The following SORCS2 variants were observed in gnomAD, a reference collection of about 807,000 sequenced individuals.
SORCS2 encodes sortilin related VPS10 domain containing receptor 2.
A neutral mutation model predicts 141.6 loss-of-function variants in SORCS2; 100 were observed. The ratio of observed to expected loss-of-function variants is 0.71; its 90% CI spans 0.60 to 0.83. The LOEUF (loss-of-function observed/expected upper bound fraction) is 0.83. Ranked by LOEUF, SORCS2 falls within the 40% of genes least tolerant of loss-of-function variation. SORCS2 has a pLI of 0.00. For synonymous variants in SORCS2, 789 were observed against 676.9 expected, an observed-to-expected ratio of 1.17 and a Z score of -2.57; for missense variants, 1,646 against 1,560.2, an observed-to-expected ratio of 1.05 and a Z score of -0.93.
chr4:7,695,016 A>G (rs1724508656), intron 11 of SORCS2, among the ~76,000 whole-genome samples: 1 of 151,862 alleles, frequency 6.6e-6, no homozygotes, highest in Admixed American at 6.6e-5. Flanking sequence ...CTTGTCTGCT[A>G]GATTCAGAGC....
At chr4:7,702,256 G>A (rs554795058) in intron 12 of SORCS2, among the ~76,000 whole-genome samples, 27 of 152,314 alleles carry the variant, frequency 1.8e-4, no homozygotes, top group Admixed American at 1.4e-3. Context: ...GAGGGCAAAG[G>A]GGGCCACTTT....
intron 1 of SORCS2, among the ~76,000 whole-genome samples, chr4:7,366,542 C>T (rs2109033861): frequency 6.6e-6 from 1 of 151,110 alleles, no homozygotes; most frequent in South Asian, 2.1e-4. Context: ...CCTCCAGCCT[C>T]ACCCCCTCCT....
rs551118056 is a variant in SORCS2 at position 7,226,559 on chromosome 4, T to C, written c.480+33433T>C. On this transcript the variant is annotated intron_variant, in intron 1 of 26. Coordinates refer to ENST00000507866, the MANE Select transcript of SORCS2 (RefSeq NM_020777.3). ...CAGGCGGCGGGCAGAGGGGCTGTTT[T>C]TTCCAGGCACACTAACACACGCCAT... Among the ~76,000 whole-genome samples, 4 of 152,208 alleles carry C rather than the reference T, an allele frequency of 2.6e-5. No individual in the cohort carries two copies. In the South Asian group the frequency reaches 8.3e-4, roughly 32 times the overall value.
At chr4:7,717,381 C>T (rs1726263150) in intron 17 of SORCS2, among the ~76,000 whole-genome samples, 2 of 152,246 alleles carry the variant, frequency 1.3e-5, no homozygotes, top group Admixed American at 1.3e-4. Context: ...CCGCCTCTGC[C>T]TCTCCACTAG....
chr4:7,651,228 A>G (rs958230484), intron 4 of SORCS2, among the ~76,000 whole-genome samples: 4 of 152,098 alleles, frequency 2.6e-5, no homozygotes, highest in African/African-American at 7.2e-5. Context: ...CGTGTTGTGG[A>G]TAGGCTGCGT....
In SORCS2 at chr4:7,697,204, TG is replaced by T; in HGVS notation, c.1601del (p.Gly534AlafsTer39). The T allele has an allele frequency of 6.3e-7, 1 of 1,581,572 alleles. No individual in the cohort carries two copies. Among genetic ancestry groups the T allele is most frequent in the Non-Finnish European group, 8.6e-7 (1 of 1,163,746 alleles). ...APGLIMGAGN[L>X]GSQLVEYKEE... is the part of the protein sequence containing the mutation. Reference sequence around the variant, plus strand: ...CCCTTTTCTTTTGGACCAGGTAACCTGGGCTCACAGCTGGTGGAATATAAAG... The same window carrying T: ...CCCTTTTCTTTTGGACCAGGTAACCTGGCTCACAGCTGGTGGAATATAAAG... On this transcript the variant is annotated frameshift_variant, in exon 12 of 27. Coordinates refer to ENST00000507866, the MANE Select transcript of SORCS2 (RefSeq NM_020777.3). LOFTEE classifies it high-confidence loss of function.
At chr4:7,708,492 T>C (rs1189570230) in intron 14 of SORCS2, among the ~76,000 whole-genome samples, 5 of 152,134 alleles carry the variant, frequency 3.3e-5, no homozygotes, top group Non-Finnish European at 7.4e-5. Context: ...TTTGATCCTG[T>C]ATCCGTGTGT....
At chr4:7,527,929 G>T (rs1733798459) in intron 2 of SORCS2, among the ~76,000 whole-genome samples, 2 of 152,148 alleles carry the variant, frequency 1.3e-5, no homozygotes, top group Non-Finnish European at 2.9e-5. Flanking sequence ...GACCCCCTCA[G>T]TTTGATGTTC....
At chr4:7,730,483 C>G (rs1711576455) in intron 23 of SORCS2, among the ~76,000 whole-genome samples, 1 of 152,168 alleles carries the variant, frequency 6.6e-6, no homozygotes, top group Non-Finnish European at 1.5e-5. Context: ...CTCATCGTAG[C>G]CAAAAAGTGC....
intron 3 of SORCS2, among the ~76,000 whole-genome samples, chr4:7,547,571 G>A (rs1333322841): frequency 1.3e-5 from 2 of 152,156 alleles, no homozygotes; most frequent in African/African-American, 4.8e-5. Context: ...GACACATCTG[G>A]CCCCACCTTC....
chr4:7,548,482 G>T (rs1713439837), intron 3 of SORCS2, among the ~76,000 whole-genome samples: 1 of 152,196 alleles, frequency 6.6e-6, no homozygotes, highest in Admixed American at 6.5e-5. Context: ...GCACTCTGTG[G>T]AGTGCTTCAT....
At chr4:7,558,342 A>G (rs1434848466) in intron 3 of SORCS2, among the ~76,000 whole-genome samples, 3 of 152,132 alleles carry the variant, frequency 2.0e-5, no homozygotes, top group Non-Finnish European at 2.9e-5. Flanking sequence ...CTAGATGCCA[A>G]TAGTACCCCT....
chr4:7,246,939 G>T (rs1485665746), intron 1 of SORCS2, among the ~76,000 whole-genome samples: 1 of 152,186 alleles, frequency 6.6e-6, no homozygotes, highest in East Asian at 1.9e-4. Flanking sequence ...CTACCCGCTT[G>T]CCTCCTCCTC....
rs951817125 is a variant in SORCS2 at position 7,637,934 on chromosome 4, G to A, written c.649-394G>A. On this transcript the variant is annotated intron_variant, in intron 3 of 26. Coordinates refer to ENST00000507866, the MANE Select transcript of SORCS2 (RefSeq NM_020777.3). Reference sequence around the variant, plus strand: ...CACCATTTCTGGGCACCCCTCCCTGGTGTGTGGAGAAACTTGGCCCAGGCA... The same window carrying A: ...CACCATTTCTGGGCACCCCTCCCTGATGTGTGGAGAAACTTGGCCCAGGCA... Among the ~76,000 whole-genome samples, 8 of 152,348 alleles carry A rather than the reference G, an allele frequency of 5.3e-5. No individual in the cohort carries two copies. The South Asian group carries it at 8.3e-4, about 16-fold the overall frequency.
At chr4:7,301,554 G>A (rs1165535843) in intron 1 of SORCS2, among the ~76,000 whole-genome samples, 1 of 152,224 alleles carries the variant, frequency 6.6e-6, no homozygotes, top group African/African-American at 2.4e-5. Context: ...CTGGGAGCAC[G>A]GCAGGCAGAG....
chr4:7,585,526 C>T (rs1488401111), intron 3 of SORCS2, among the ~76,000 whole-genome samples: 1 of 152,204 alleles, frequency 6.6e-6, no homozygotes, highest in African/African-American at 2.4e-5. Context: ...GAACAAATCA[C>T]AGGACTATCA....
At chr4:7,373,936 T>C (rs1722442933) in intron 1 of SORCS2, among the ~76,000 whole-genome samples, 2 of 152,192 alleles carry the variant, frequency 1.3e-5, no homozygotes, top group South Asian at 4.1e-4. Flanking sequence ...AGATTAATAT[T>C]TTTTATGATT....
At chr4:7,487,730 C>A (rs1577646801) in intron 2 of SORCS2, among the ~76,000 whole-genome samples, 1 of 152,296 alleles carries the variant, frequency 6.6e-6, no homozygotes, top group Admixed American at 6.5e-5. Flanking sequence ...TCCCCCGCCT[C>A]CAGCCCCATG....
rs539892551 is a variant in SORCS2, at chr4:7,478,042, G to A, written c.549-53488G>A. 5.9e-5 allele frequency among the ~76,000 whole-genome samples: 9 copies of A among 152,272 alleles called. No homozygotes were observed. The East Asian group carries it at 1.4e-3, about 23-fold the overall frequency. Reference sequence around the variant, plus strand: ...GCCCCAGGGCCCATCCCCAGCCACCGGGGGCCTCTTGAGCCCTTAGAAAGT... The same window carrying A: ...GCCCCAGGGCCCATCCCCAGCCACCAGGGGCCTCTTGAGCCCTTAGAAAGT... On this transcript the variant is annotated intron_variant, in intron 2 of 26. Transcript: ENST00000507866.
Sources: gnomAD v4.1 joint callset for allele counts (sites outside exome capture counted in the v4.1 genomes callset) on GRCh38, gnomAD v4.1.1 for gene constraint, MANE v1.5 for transcripts, NCBI Gene and HGNC (gene_info 2026-07-23, HGNC 2026-07-21) for gene names.